The following EED variants were observed in gnomAD, a reference collection of about 807,000 sequenced individuals.
The protein encoded by EED is polycomb protein EED.
EED carries 9 observed loss-of-function variants against 61.0 expected under a neutral mutation model. That is an observed-to-expected ratio of 0.15 (90% CI 0.09 to 0.26). The LOEUF (loss-of-function observed/expected upper bound fraction) is 0.26. Ranked by LOEUF, EED falls within the 10% of genes least tolerant of loss-of-function variation. The probability of loss-of-function intolerance (pLI) is 1.00; values close to 1 mark genes in which losing one functional copy is unlikely to be tolerated. For synonymous variants in EED, 187 were observed against 174.4 expected (o/e 1.07, Z -0.57); for missense variants, 315 against 542.3 (o/e 0.58, Z 4.16).
At chr11:86,273,136 G>C (rs374459933) in intron 9 of EED, among the ~76,000 whole-genome samples, 1 of 152,136 alleles carries the variant, frequency 6.6e-6, no homozygotes. Context: ...CAATCCTCCT[G>C]ATTCAGCCTC....
intron 9 of EED, among the ~76,000 whole-genome samples, chr11:86,275,227 A>C (rs1946202315): frequency 6.6e-6 from 1 of 152,098 alleles, no homozygotes; most frequent in African/African-American, 2.4e-5. Flanking sequence ...TGATACTCCG[A>C]CTTTTAAGTG....
intron 9 of EED, chr11:86,269,998 C>T: frequency 3.3e-6 from 2 of 609,878 alleles, no homozygotes; most frequent in Non-Finnish European, 5.9e-6. Context: ...GTTTTCATTT[C>T]TCTGGGTAAA....
intron 1 of EED, among the ~76,000 whole-genome samples, chr11:86,247,262 A>G (rs2138122152): frequency 6.6e-6 from 1 of 152,358 alleles, no homozygotes; most frequent in South Asian, 2.1e-4. Flanking sequence ...GTGCGTGCGC[A>G]TGCCTTGGAA....
At chr11:86,260,136 G>T (rs1945789464) in intron 6 of EED, among the ~76,000 whole-genome samples, 1 of 152,176 alleles carries the variant, frequency 6.6e-6, no homozygotes, top group Non-Finnish European at 1.5e-5. Context: ...TACCTCTGGG[G>T]TGTTTATGTG....
chr11:86,275,706 TGA>T (rs1410488908), intron 9 of EED, among the ~76,000 whole-genome samples: 1 of 152,148 alleles, frequency 6.6e-6, no homozygotes, highest in Non-Finnish European at 1.5e-5. Flanking sequence ...CAGTAGGGGC[TGA>T]GAGACTCTGA....
In EED at chr11:86,266,115, C is replaced by A. The variant is rs769990056; in HGVS notation, c.759C>A (p.Ser253=). The change falls in exon 8 of 12, where the codon TCC becomes TCA. Residue 253 remains serine, a synonymous_variant. Coordinates refer to ENST00000263360, the MANE Select transcript of EED (RefSeq NM_003797.5). ...ATCTTTTGGGTGAAAAAATAATGTC[C>A]TGTGGTATGGATCATTCTCTTAAAC... ...DYDLLGEKIM[S]CGMDHSLKLW... The A allele has an allele frequency of 6.2e-7, 1 of 1,604,600 alleles. No homozygotes were observed. Among genetic ancestry groups the A allele is most frequent in the African/African-American group, 1.3e-5 (1 of 74,502 alleles).
At chr11:86,254,520 C>T (rs1228502969) in intron 3 of EED, among the ~76,000 whole-genome samples, 12 of 151,846 alleles carry the variant, frequency 7.9e-5, no homozygotes, top group Admixed American at 3.3e-4. Context: ...GGGGTTCCAC[C>T]GTGTTAGCCA....
At chr11:86,261,892 A>G (rs1945839664) in intron 6 of EED, among the ~76,000 whole-genome samples, 1 of 152,140 alleles carries the variant, frequency 6.6e-6, no homozygotes, top group Non-Finnish European at 1.5e-5. Context: ...CTTGCCCTCA[A>G]GGTCTTAGCT....
intron 1 of EED, 109 bp downstream of exon 1, chr11:86,245,452 C>T: frequency 2.2e-6 from 2 of 913,216 alleles, no homozygotes; most frequent in Non-Finnish European, 1.7e-6. Context: ...GGAGAGGTGT[C>T]ACTCAGGAAA....
intron 4 of EED, among the ~76,000 whole-genome samples, chr11:86,255,533 G>A (rs7951188): frequency 0.35 from 53,495 of 151,828 alleles, 9,866 homozygotes; most frequent in Non-Finnish European, 0.41. Flanking sequence ...TGTGCTGGTT[G>A]GGTGCAGATG....
chr11:86,259,217 C>T (rs1945765131), intron 6 of EED, among the ~76,000 whole-genome samples: 1 of 89,798 alleles, frequency 1.1e-5, no homozygotes, highest in Admixed American at 1.0e-4. Flanking sequence ...TCAGTAAGAG[C>T]ATTTTTAAAA....
intron 9 of EED, among the ~76,000 whole-genome samples, chr11:86,273,453 A>G (rs1946163657): frequency 6.6e-6 from 1 of 152,170 alleles, no homozygotes; most frequent in African/African-American, 2.4e-5. Context: ...AGAAAACCCA[A>G]AAGGAAAAGG....
At chr11:86,272,510 A>G (rs1275593245) in intron 9 of EED, among the ~76,000 whole-genome samples, 1 of 152,136 alleles carries the variant, frequency 6.6e-6, no homozygotes, top group Non-Finnish European at 1.5e-5. Flanking sequence ...ATGTTGTATA[A>G]GTGTTTAATT....
intron 6 of EED, among the ~76,000 whole-genome samples, chr11:86,263,047 ATCC>A (rs1246836568): frequency 6.6e-6 from 1 of 151,900 alleles, no homozygotes; most frequent in Non-Finnish European, 1.5e-5. Context: ...GCCTCAAGTG[ATCC>A]TCCTGCCTCA....
chr11:86,286,501 A>G, the EED span, among the ~76,000 whole-genome samples: 1 of 152,250 alleles, frequency 6.6e-6, no homozygotes, highest in Non-Finnish European at 1.5e-5. Flanking sequence ...CAAATGCCTG[A>G]GAAAGGCAAA....
rs1460129527 is a variant in EED at position 86,277,070 on chromosome 11, C to G, written c.1057C>G (p.Leu353Val). Residue 353 changes from leucine to valine, a missense_variant, in exon 10 of 12, where the codon CTT becomes GTT. This residue lies in a region of EED where 205 missense variants were observed against 455.4 expected (regional missense o/e 0.45). Coordinates refer to ENST00000263360, the MANE Select transcript of EED (RefSeq NM_003797.5). ...IKPSESNVTI[L>V]GRFDYSQCDI... ...ACCCAGTGAATCTAATGTGACTATT[C>G]TTGGGCGATTTGATTACAGCCAGTG... 1.9e-6 allele frequency: 3 copies of G among 1,594,074 alleles called. No homozygotes were observed. The highest frequency in any genetic ancestry group is 2.6e-6 in the Non-Finnish European group (3 of 1,166,716).
chr11:86,261,650 G>C (rs952190333), intron 6 of EED, among the ~76,000 whole-genome samples: 1 of 152,222 alleles, frequency 6.6e-6, no homozygotes, highest in Non-Finnish European at 1.5e-5. Context: ...GAAATCTAGA[G>C]AGGAAGCCGT....
intron 9 of EED, chr11:86,270,147 G>T (rs766042258): frequency 2.9e-6 from 2 of 700,692 alleles, no homozygotes; most frequent in South Asian, 1.5e-5. Flanking sequence ...CCGAATCTTC[G>T]CCAGCATTTG....
At position 86,250,329 on chromosome 11, in the gene EED, A is replaced by C. The variant is rs149126431; in HGVS notation, c.148A>C (p.Thr50Pro). 4.9e-4 allele frequency: 778 copies of C among 1,601,304 alleles called. 2 individuals are homozygous for C. The highest frequency in any genetic ancestry group is 8.3e-4 in the Middle Eastern group (5 of 6,036). The change falls in exon 2 of 12, where the codon ACT becomes CCT. Residue 50 changes from threonine to proline, a missense_variant. Thr to Pro is a conservative substitution (Grantham distance 38). Around this residue, in one of 2 missense-constraint regions of EED, gnomAD observed 110 missense variants for 86.9 expected, o/e 1.27. Coordinates refer to ENST00000263360, the MANE Select transcript of EED (RefSeq NM_003797.5). Reference sequence around the variant, plus strand: ...TGTCAGTATAGAAAGTGGTACAAACACTGAACGCCCTGATACACCTACAAA... The same window carrying C: ...TGTCAGTATAGAAAGTGGTACAAACCCTGAACGCCCTGATACACCTACAAA... ...DAVSIESGTNTERPDTPTNTP... is the reference protein window; with the variant it reads ...DAVSIESGTNPERPDTPTNTP...
Sources: allele counts gnomAD v4.1 joint callset (sites outside exome capture counted in the v4.1 genomes callset), GRCh38; gene constraint gnomAD v4.1.1; regional missense constraint gnomAD v4.1.1; transcripts MANE v1.5; gene names NCBI Gene and HGNC (gene_info 2026-07-23, HGNC 2026-07-21).